MAP3K8: variants seen among roughly 807,000 people sequenced by gnomAD.
MAP3K8 encodes the protein mitogen-activated protein kinase kinase kinase 8.
A neutral mutation model predicts 45.8 loss-of-function variants in MAP3K8; 22 were observed. The ratio of observed to expected loss-of-function variants is 0.48; its 90% CI spans 0.34 to 0.69. MAP3K8 has a LOEUF of 0.69. Ranked by LOEUF, MAP3K8 falls within the 30% of genes least tolerant of loss-of-function variation. The probability of loss-of-function intolerance (pLI) is 0.01; values close to 1 mark genes in which losing one functional copy is unlikely to be tolerated. For missense variants in MAP3K8, 419 were observed against 585.0 expected (o/e 0.72, Z 2.93); for synonymous variants, 223 against 214.3 (o/e 1.04, Z -0.36).
rs1836935904 is a variant in MAP3K8, at chr10:30,461,419, AC to A, written c.*584del. 4.9e-6 allele frequency: 1 copy of A among 203,762 alleles called. No homozygotes were observed. Among genetic ancestry groups the A allele is most frequent in the African/African-American group, 2.3e-5 (1 of 43,704 alleles). 12.6% of individuals were successfully genotyped at this position (203,762 alleles called of 1,614,324 possible). A position where few individuals can be genotyped will look rare whatever the true frequency, so the allele number is the denominator to read the frequency against. ...GCCATCTGACAGCAGGCCACTAGTGACAGTTTCTTTTGTGTTCCTATGGAAA... is the reference window on the plus strand; with the variant it reads ...GCCATCTGACAGCAGGCCACTAGTGAAGTTTCTTTTGTGTTCCTATGGAAA... On this transcript the variant is annotated 3_prime_UTR_variant, in exon 9 of 9. Coordinates refer to ENST00000263056, the MANE Select transcript of MAP3K8 (RefSeq NM_005204.4).
At chr10:30,458,505 TA>T (rs1488211498) in intron 7 of MAP3K8, among the ~76,000 whole-genome samples, 1 of 152,242 alleles carries the variant, frequency 6.6e-6, no homozygotes, top group Non-Finnish European at 1.5e-5. Flanking sequence ...CAACACTACT[TA>T]GTAGCATCAG....
At chr10:30,452,599 G>C (rs1305366574) in intron 6 of MAP3K8, among the ~76,000 whole-genome samples, 1 of 151,174 alleles carries the variant, frequency 6.6e-6, no homozygotes, top group Non-Finnish European at 1.5e-5. Context: ...TTCCAGCCTG[G>C]ATGACAGAAC....
At chr10:30,441,218 G>A (rs1013935407) in intron 3 of MAP3K8, among the ~76,000 whole-genome samples, 1 of 151,240 alleles carries the variant, frequency 6.6e-6, no homozygotes, top group African/African-American at 2.4e-5. Flanking sequence ...GTGCCGTGGC[G>A]CAATCTTGGC....
At chr10:30,434,650 C>T in intron 1 of MAP3K8, 2 of 985,568 alleles carry the variant, frequency 2.0e-6, no homozygotes, top group South Asian at 4.7e-5. Flanking sequence ...CAGGGCAGTG[C>T]TGGTCTGGGC....
intron 6 of MAP3K8, among the ~76,000 whole-genome samples, chr10:30,456,839 A>G (rs1446526012): frequency 6.6e-6 from 1 of 151,894 alleles, no homozygotes; most frequent in African/African-American, 2.4e-5. Context: ...TAATCCCCAC[A>G]CTTTGGGAGG....
In MAP3K8 at chr10:30,450,384, G is replaced by A. The variant is rs932880053; in HGVS notation, c.631G>A (p.Glu211Lys). ...TGTCCATCTCTTTATGGAAGCAGGC[G>A]AGGGAGGGTCTGTTCTGGAGAAACT... The part of the protein sequence containing the change: ...ETVHLFMEAG[E>K]GGSVLEKLES... Residue 211 changes from glutamate (E) to lysine (K), a missense_variant, in exon 5 of 9, where the codon GAG (glutamate) becomes AAG (lysine). Glu to Lys is a moderately conservative substitution (Grantham distance 56). Transcript: ENST00000263056. 1 of 1,614,128 alleles carries A rather than the reference G, an allele frequency of 6.2e-7. No individual in the cohort carries two copies. The highest frequency in any genetic ancestry group is 8.5e-7 in the Non-Finnish European group (1 of 1,180,004).
intron 1 of MAP3K8, 174 bp downstream of exon 1, chr10:30,434,552 A>C (rs1359830342): frequency 6.1e-6 from 6 of 985,554 alleles, no homozygotes; most frequent in Non-Finnish European, 7.2e-6. Context: ...TGCACCAGGC[A>C]CAGCTGGAAA....
At chr10:30,445,866 T>C (rs1448177207) in intron 3 of MAP3K8, among the ~76,000 whole-genome samples, 1 of 152,220 alleles carries the variant, frequency 6.6e-6, no homozygotes, top group Non-Finnish European at 1.5e-5. Context: ...CACATCTGTT[T>C]GTGGGATGTG....
At chr10:30,452,622 CAAAA>C (rs201850531) in intron 6 of MAP3K8, among the ~76,000 whole-genome samples, 1 of 129,586 alleles carries the variant, frequency 7.7e-6, no homozygotes, top group African/African-American at 2.8e-5. Flanking sequence ...GATGTTGCTT[CAAAA>C]AAAAAAAAAG....
chr10:30,456,131 G>A (rs1836721484), intron 6 of MAP3K8, among the ~76,000 whole-genome samples: 2 of 152,244 alleles, frequency 1.3e-5, no homozygotes, highest in Non-Finnish European at 2.9e-5. Flanking sequence ...GGGTACAGGA[G>A]AGAAGATAGG....
At position 30,437,160 on chromosome 10, in the gene MAP3K8, T is replaced by C; in HGVS notation, c.-254-16T>C. The C allele has an allele frequency of 1.0e-6, 1 of 985,204 alleles. No individual in the cohort carries two copies. Among genetic ancestry groups the C allele is most frequent in the Non-Finnish European group, 1.2e-6 (1 of 829,826 alleles). 61.0% of individuals were successfully genotyped at this position (985,204 alleles called of 1,614,324 possible). A position where few individuals can be genotyped will look rare whatever the true frequency, so the allele number is the denominator to read the frequency against. Reference sequence around the variant, plus strand: ...GTTTCTGCCTTTTTTTTCTCTCTCTTTATGTCTTGTTTTAGATGCAATCTT... The same window carrying C: ...GTTTCTGCCTTTTTTTTCTCTCTCTCTATGTCTTGTTTTAGATGCAATCTT... On this transcript the variant is annotated splice_polypyrimidine_tract_variant and intron_variant, in intron 1 of 8. Coordinates refer to ENST00000263056, the MANE Select transcript of MAP3K8 (RefSeq NM_005204.4).
intron 7 of MAP3K8, 105 bp from the exon 8 acceptor site, chr10:30,459,150 T>C (rs1836845453): frequency 8.3e-7 from 1 of 1,205,830 alleles, no homozygotes; most frequent in Non-Finnish European, 1.2e-6. Context: ...TTGCAGGGCA[T>C]GTGGTGGAAA....
chr10:30,436,527 C>T (rs1463691088), intron 1 of MAP3K8, among the ~76,000 whole-genome samples: 1 of 152,066 alleles, frequency 6.6e-6, no homozygotes, highest in African/African-American at 2.4e-5. Flanking sequence ...TGTGTTCAAG[C>T]TCTTGGGTTT....
intron 2 of MAP3K8, among the ~76,000 whole-genome samples, chr10:30,437,865 C>T (rs1042465647): frequency 2.0e-5 from 3 of 152,310 alleles, no homozygotes; most frequent in Non-Finnish European, 4.4e-5. Context: ...GGAGTGCAAT[C>T]GGTGATTTAA....
chr10:30,447,583 C>T (rs1380208760), intron 3 of MAP3K8, among the ~76,000 whole-genome samples, 199 bp from the exon 4 acceptor site: 2 of 152,200 alleles, frequency 1.3e-5, no homozygotes, highest in African/African-American at 2.4e-5. Flanking sequence ...CAGGCACCTG[C>T]ATCTGTTACA....
At chr10:30,451,928 AT>A (rs1274770602) in intron 6 of MAP3K8, among the ~76,000 whole-genome samples, 184 bp downstream of exon 6, 3 of 152,112 alleles carry the variant, frequency 2.0e-5, no homozygotes, top group Admixed American at 6.6e-5. Flanking sequence ...TTAGCACTTG[AT>A]TTTTTATTGT....
chr10:30,454,567 A>G (rs1172598952), intron 6 of MAP3K8, among the ~76,000 whole-genome samples: 3 of 22,348 alleles, frequency 1.3e-4, no homozygotes, highest in African/African-American at 1.5e-4. Context: ...CCTTGTCCTA[A>G]AAAAAAAAAA....
chr10:30,448,050 G>C (rs776645981), intron 4 of MAP3K8, 101 bp downstream of exon 4: 6 of 1,077,124 alleles, frequency 5.6e-6, no homozygotes, highest in African/African-American at 3.2e-5. Context: ...TCGTTTGATT[G>C]GGTCTTATCT....
intron 3 of MAP3K8, among the ~76,000 whole-genome samples, chr10:30,441,857 G>A (rs1032539704): frequency 1.7e-4 from 26 of 152,130 alleles, no homozygotes; most frequent in African/African-American, 5.6e-4. Context: ...TCATCCTCAC[G>A]TGGAACATTG....
Sources: gnomAD v4.1 joint callset for allele counts (sites outside exome capture counted in the v4.1 genomes callset) on GRCh38, gnomAD v4.1.1 for gene constraint, MANE v1.5 for transcripts, NCBI Gene and HGNC (gene_info 2026-07-23, HGNC 2026-07-21) for gene names.